The following SLC15A5 variants were observed in gnomAD, a reference collection of about 807,000 sequenced individuals.
The protein encoded by SLC15A5 is solute carrier family 15 member 5, also known as Peptide/histidine transporter ENSP00000340402.
A neutral mutation model predicts 56.1 loss-of-function variants in SLC15A5; 58 were observed. The observed-to-expected ratio is 1.03, with a 90% CI of 0.84 to 1.29. The LOEUF (loss-of-function observed/expected upper bound fraction) is 1.29, where lower values mean the gene tolerates loss of function less well. SLC15A5 is among the 50% of genes most tolerant of loss of function. SLC15A5 has a pLI of 0.00. For missense variants in SLC15A5, 681 were observed against 672.1 expected (o/e 1.01, Z -0.15); for synonymous variants, 264 against 250.5 (o/e 1.05, Z -0.51).
chr12:16,211,496 TC>T (rs201806176), intron 7 of SLC15A5, among the ~76,000 whole-genome samples: 2 of 1,352 alleles, frequency 1.5e-3, no homozygotes, highest in Non-Finnish European at 0.024. Context: ...TGCCCAATTA[TC>T]CCTTTTTTTT....
intron 8 of SLC15A5, among the ~76,000 whole-genome samples, chr12:16,191,663 G>A (rs180741455): frequency 3.3e-5 from 5 of 152,060 alleles, no homozygotes; most frequent in Admixed American, 1.3e-4. Flanking sequence ...GAAAAAAATC[G>A]GAATCATGCG....
intron 7 of SLC15A5, among the ~76,000 whole-genome samples, chr12:16,199,304 CAAA>C (rs10687463): frequency 9.9e-5 from 9 of 91,314 alleles, no homozygotes; most frequent in East Asian, 3.3e-4. Context: ...TAGACTGTCT[CAAA>C]AAAAAAAAAA....
At chr12:16,262,650 T>C (rs1223397740) in intron 2 of SLC15A5, among the ~76,000 whole-genome samples, 2 of 152,202 alleles carry the variant, frequency 1.3e-5, no homozygotes, top group Non-Finnish European at 2.9e-5. Context: ...GTGAGTGATA[T>C]GGTTTAGTTC....
intron 7 of SLC15A5, among the ~76,000 whole-genome samples, chr12:16,195,605 A>G (rs1863886736): frequency 6.6e-6 from 1 of 152,054 alleles, no homozygotes; most frequent in African/African-American, 2.4e-5. Flanking sequence ...CAACTCCTAC[A>G]ATGGAAGGTG....
At chr12:16,207,367 C>T (rs1019236843) in intron 7 of SLC15A5, among the ~76,000 whole-genome samples, 2 of 152,114 alleles carry the variant, frequency 1.3e-5, no homozygotes, top group African/African-American at 2.4e-5. Flanking sequence ...CTACTAATAG[C>T]GTAGATATAA....
chr12:16,244,220 G>A (rs1427816086), intron 4 of SLC15A5, among the ~76,000 whole-genome samples: 1 of 152,146 alleles, frequency 6.6e-6, no homozygotes, highest in African/African-American at 2.4e-5. Flanking sequence ...AAGGTTTAAT[G>A]AGGGAGGAAG....
At chr12:16,220,122 A>T (rs114262360) in intron 6 of SLC15A5, among the ~76,000 whole-genome samples, 2,307 of 152,278 alleles carry the variant, frequency 0.015, 59 homozygotes, top group African/African-American at 0.051. Context: ...GAACATGTGG[A>T]GAAGAAGTAC....
In SLC15A5 at chr12:16,275,303, A is replaced by G. The variant is rs566087569; in HGVS notation, c.361+2022T>C. On this transcript the variant is annotated intron_variant, in intron 1 of 8. Transcript: ENST00000344941. ...TACAAGATTAGAAAACTAGGGAAGG[A>G]GGCCAGGAGAAGTTAGCAAGGTTGG... Among the ~76,000 whole-genome samples, 5 of 152,188 alleles carry G rather than the reference A, an allele frequency of 3.3e-5. No individual in the cohort carries two copies. In the South Asian group the frequency reaches 1.0e-3, roughly 32 times the overall value.
chr12:16,232,418 A>G (rs560423017), intron 5 of SLC15A5, among the ~76,000 whole-genome samples: 16 of 152,310 alleles, frequency 1.1e-4, no homozygotes, highest in African/African-American at 3.8e-4. Context: ...TCAAAAGGAA[A>G]TACAAAGAAA....
Position 16,271,069 on chromosome 12 carries a change from C to T in SLC15A5, c.584+1492G>A, listed in dbSNP as rs529387284. ...TTTTTAAAAATCTAAATATGTTCAT[C>T]CTAAATTTGGCCTGGTTCCTTACAG... On this transcript the variant is annotated intron_variant, in intron 2 of 8. Coordinates refer to ENST00000344941, the MANE Select transcript of SLC15A5 (RefSeq NM_001170798.1). The surrounding 1 kb of genome is among the most constrained non-coding windows in gnomAD (Gnocchi z 8.0). Among the ~76,000 whole-genome samples the T allele has an allele frequency of 2.6e-5, 4 of 152,080 alleles. No homozygotes were observed. Among genetic ancestry groups the T allele is most frequent in the Admixed American group, 1.3e-4 (2 of 15,258 alleles).
intron 1 of SLC15A5, among the ~76,000 whole-genome samples, chr12:16,273,736 A>AT (rs34600919): frequency 0.69 from 99,839 of 143,962 alleles, 36,144 homozygotes; most frequent in East Asian, 0.81. Flanking sequence ...AGTCAAATAA[A>AT]TTTTTTTTTT....
At chr12:16,266,971 C>T (rs1008080699) in intron 2 of SLC15A5, among the ~76,000 whole-genome samples, 1 of 152,124 alleles carries the variant, frequency 6.6e-6, no homozygotes, top group Non-Finnish European at 1.5e-5. Flanking sequence ...CAAAACTCAG[C>T]AATCCTTATG....
At chr12:16,259,206 T>A (rs1864614760) in intron 2 of SLC15A5, among the ~76,000 whole-genome samples, 1 of 151,708 alleles carries the variant, frequency 6.6e-6, no homozygotes. Flanking sequence ...GTAATTTTTT[T>A]TTTTATTTTT....
At chr12:16,274,831 C>T (rs746050366) in intron 1 of SLC15A5, among the ~76,000 whole-genome samples, 6 of 152,088 alleles carry the variant, frequency 3.9e-5, no homozygotes, top group Non-Finnish European at 8.8e-5. Context: ...TTACTTCCAT[C>T]TTTTGAGAAA....
intron 7 of SLC15A5, among the ~76,000 whole-genome samples, chr12:16,214,943 G>A (rs989626864): frequency 5.3e-5 from 8 of 151,856 alleles, no homozygotes; most frequent in Admixed American, 1.3e-4. Context: ...GGTGGCTCAC[G>A]CCTGTAATCC....
chr12:16,249,917 T>C (rs1056103439), intron 3 of SLC15A5, among the ~76,000 whole-genome samples: 4 of 152,036 alleles, frequency 2.6e-5, no homozygotes, highest in Non-Finnish European at 5.9e-5. Context: ...TTCTTCTTTT[T>C]TTGCTATTGG....
rs146266487 is a variant in SLC15A5, at chr12:16,239,819, C to A, written c.1024G>T (p.Asp342Tyr). The A allele has an allele frequency of 3.3e-6, 5 of 1,537,134 alleles. No individual in the cohort carries two copies. Among genetic ancestry groups the A allele is most frequent in the Non-Finnish European group, 4.4e-6 (5 of 1,146,866 alleles). Residue 342 changes from aspartate (D) to tyrosine (Y), a missense_variant, in exon 5 of 9, where the codon GAT (aspartate) becomes TAT (tyrosine). By Grantham distance (160) the Asp-to-Tyr change is radical (BLOSUM62 -3). Transcript: ENST00000344941. ...LQTMNSNLNL[D>Y]GFLLPIAVMN... The stretch of plus-strand genomic sequence containing the variant: ...ACTGCAATCGGCAGAAGAAATCCAT[C>A]CAAATTCAGGTTGGAATTCATAGTT...
chr12:16,266,604 A>T (rs935845932), intron 2 of SLC15A5, among the ~76,000 whole-genome samples: 37 of 152,216 alleles, frequency 2.4e-4, no homozygotes, highest in Non-Finnish European at 4.9e-4. Flanking sequence ...TTGTTGATCC[A>T]TGGACAGGAC....
chr12:16,228,137 C>T (rs773656587), intron 5 of SLC15A5, among the ~76,000 whole-genome samples: 7 of 152,044 alleles, frequency 4.6e-5, no homozygotes, highest in East Asian at 1.9e-4. Context: ...GGTACAAAGC[C>T]GTCATCTAAA....
Sources: gnomAD v4.1 joint callset for allele counts (sites outside exome capture counted in the v4.1 genomes callset) on GRCh38, gnomAD v4.1.1 for gene constraint, Gnocchi (gnomAD v3.1) non-coding constraint, MANE v1.5 for transcripts, NCBI Gene and HGNC (gene_info 2026-07-23, HGNC 2026-07-21) for gene names.